Variants in CLSTN2 observed in about 807,000 individuals in gnomAD.
The protein encoded by CLSTN2 is calsyntenin 2.
Under a neutral mutation model 101.2 loss-of-function variants are expected in CLSTN2, and 48 were observed. The observed-to-expected ratio is 0.47, with a 90% CI of 0.38 to 0.60. The LOEUF (loss-of-function observed/expected upper bound fraction) is 0.60, where lower values mean the gene tolerates loss of function less well. CLSTN2 is among the 20% of genes least tolerant of loss of function. CLSTN2 has a pLI of 0.00. For synonymous variants in CLSTN2, 481 were observed against 463.6 expected, an observed-to-expected ratio of 1.04 and a Z score of -0.48; for missense variants, 1,160 against 1,238.2, an observed-to-expected ratio of 0.94 and a Z score of 0.95.
intron 6 of CLSTN2, among the ~76,000 whole-genome samples, chr3:140,451,674 C>T (rs1933255819): frequency 6.6e-6 from 1 of 152,194 alleles, no homozygotes; most frequent in South Asian, 2.1e-4. Context: ...TTCTCTCCAA[C>T]TATAAGGGAA....
At chr3:140,268,747 A>G (rs919552017) in intron 2 of CLSTN2, among the ~76,000 whole-genome samples, 2 of 152,178 alleles carry the variant, frequency 1.3e-5, no homozygotes, top group African/African-American at 4.8e-5. Flanking sequence ...ACAACTGTAC[A>G]TGGTATAGTT....
chr3:140,477,460 C>A (rs546930457), intron 8 of CLSTN2, among the ~76,000 whole-genome samples: 5 of 152,160 alleles, frequency 3.3e-5, no homozygotes, highest in Non-Finnish European at 5.9e-5. Flanking sequence ...GAATAGGAAA[C>A]GTTAACCAGA....
At chr3:139,954,863 C>T (rs78240211) in intron 1 of CLSTN2, among the ~76,000 whole-genome samples, 1 of 151,756 alleles carries the variant, frequency 6.6e-6, no homozygotes, top group Non-Finnish European at 1.5e-5. Context: ...ACAAATTCTG[C>T]GTTTCTCTAA....
chr3:140,429,622 A>C (rs2088607633), intron 5 of CLSTN2, among the ~76,000 whole-genome samples: 1 of 152,072 alleles, frequency 6.6e-6, no homozygotes, highest in South Asian at 2.1e-4. Flanking sequence ...TGTGGTTAAG[A>C]GTATCTTAGG....
Position 140,360,770 on chromosome 3 carries a change from G to A in CLSTN2, c.233-42859G>A, listed in dbSNP as rs111928113. Among the ~76,000 whole-genome samples, 260 of 151,484 alleles carry A rather than the reference G, an allele frequency of 1.7e-3. 2 individuals are homozygous for A. Among genetic ancestry groups the A allele is most frequent in the South Asian group, 5.9e-3 (28 of 4,782 alleles). ...AATTTTGATGAAATGGAAAAAAGTC[G>A]AAGAAAAAAAACCCCAAATAATTAA... On this transcript the variant is annotated intron_variant, in intron 2 of 16. Coordinates refer to ENST00000458420, the MANE Select transcript of CLSTN2 (RefSeq NM_022131.3).
At chr3:140,069,703 A>G (rs376495765) in intron 1 of CLSTN2, among the ~76,000 whole-genome samples, 10 of 152,190 alleles carry the variant, frequency 6.6e-5, no homozygotes, top group African/African-American at 2.4e-4. Context: ...GGCAAAGGCA[A>G]GATTTAAACT....
Position 140,094,572 on chromosome 3 carries a change from GA to G in CLSTN2, c.110-81370del, listed in dbSNP as rs752355094. 2.5e-4 allele frequency among the ~76,000 whole-genome samples: 37 copies of G among 150,992 alleles called. 1 individual carries two copies. The East Asian group carries it at 4.1e-3, about 17-fold the overall frequency. On this transcript the variant is annotated intron_variant, in intron 1 of 16. Coordinates refer to ENST00000458420, the MANE Select transcript of CLSTN2 (RefSeq NM_022131.3). ...ACAGGAACCTCTAGAGGGAAGAAAG[GA>G]AAAAAAAATTAGCAAATGGAATGTT...
intron 2 of CLSTN2, among the ~76,000 whole-genome samples, chr3:140,374,698 T>C (rs2087896554): frequency 6.6e-6 from 1 of 152,186 alleles, no homozygotes; most frequent in African/African-American, 2.4e-5. Context: ...ACCTAAATGA[T>C]CCTGTAGCTC....
intron 1 of CLSTN2, among the ~76,000 whole-genome samples, chr3:140,015,820 G>A (rs73226904): frequency 0.014 from 2,152 of 152,344 alleles, 29 homozygotes; most frequent in Non-Finnish European, 0.023. Context: ...AAGGACTCCC[G>A]GAAAAAGCAG....
chr3:140,211,507 C>A (rs1485635855), intron 2 of CLSTN2, among the ~76,000 whole-genome samples: 1 of 144,136 alleles, frequency 6.9e-6, no homozygotes, highest in Admixed American at 7.0e-5. Context: ...ATTTTTTAAA[C>A]CTGGGGACTC....
intron 1 of CLSTN2, among the ~76,000 whole-genome samples, chr3:140,158,829 A>G (rs1036095439): frequency 8.5e-5 from 13 of 152,192 alleles, no homozygotes; most frequent in African/African-American, 3.1e-4. Context: ...ACAAAAACAG[A>G]CACATGGACG....
chr3:140,471,185 G>C (rs1261403097), intron 8 of CLSTN2, among the ~76,000 whole-genome samples: 1 of 152,154 alleles, frequency 6.6e-6, no homozygotes, highest in African/African-American at 2.4e-5. Flanking sequence ...TGCAAACCCA[G>C]ACAAAAGCAG....
chr3:140,480,433 T>C (rs1934089692), intron 8 of CLSTN2, among the ~76,000 whole-genome samples: 1 of 152,240 alleles, frequency 6.6e-6, no homozygotes, highest in South Asian at 2.1e-4. Flanking sequence ...TATAGCAGCA[T>C]GATTTATAAT....
intron 1 of CLSTN2, among the ~76,000 whole-genome samples, chr3:140,124,131 G>T (rs992922328): frequency 1.3e-5 from 2 of 152,036 alleles, no homozygotes; most frequent in East Asian, 3.9e-4. Flanking sequence ...AAGGCATATG[G>T]GGAACAGAGA....
intron 2 of CLSTN2, among the ~76,000 whole-genome samples, chr3:140,241,876 T>TACACACACAC (rs747382201): frequency 0.012 from 1,730 of 139,936 alleles, 35 homozygotes; most frequent in South Asian, 0.045. Context: ...TACACATATA[T>TACACACACAC]ATATACACAC....
intron 4 of CLSTN2, among the ~76,000 whole-genome samples, chr3:140,409,896 C>T (rs1402442246): frequency 6.6e-6 from 1 of 151,838 alleles, no homozygotes. Flanking sequence ...AATACAATGA[C>T]TGAATTTTAA....
chr3:140,296,412 C>T (rs571829648), intron 2 of CLSTN2, among the ~76,000 whole-genome samples: 1 of 152,340 alleles, frequency 6.6e-6, no homozygotes, highest in South Asian at 2.1e-4. Context: ...CAGACATCAT[C>T]ACACTTTATC....
In CLSTN2 at chr3:140,571,650, A is replaced by G. The variant is rs1042751307; in HGVS notation, c.*5397A>G. On this transcript the variant is annotated 3_prime_UTR_variant, in exon 17 of 17. Coordinates refer to ENST00000458420, the MANE Select transcript of CLSTN2 (RefSeq NM_022131.3). ...TTTCCATTGTCCAGCTGCAGGCAAA[A>G]GAAATGAGCAATGAAAGTTTTGAAG... The G allele has an allele frequency of 3.3e-5, 5 of 152,260 alleles. No homozygotes were observed. The highest frequency in any genetic ancestry group is 7.3e-5 in the Non-Finnish European group (5 of 68,044). 9.4% of individuals were successfully genotyped at this position (152,260 alleles called of 1,614,324 possible).
intron 1 of CLSTN2, among the ~76,000 whole-genome samples, chr3:140,035,007 C>T (rs1219629865): frequency 1.3e-5 from 2 of 152,178 alleles, no homozygotes; most frequent in Non-Finnish European, 1.5e-5. Flanking sequence ...CTTGATGGCT[C>T]TCTTATGCCC....
Sources: allele counts gnomAD v4.1 joint callset (sites outside exome capture counted in the v4.1 genomes callset), GRCh38; gene constraint gnomAD v4.1.1; transcripts MANE v1.5; gene names NCBI Gene and HGNC (gene_info 2026-07-23, HGNC 2026-07-21).